Variants in SOX5 observed in about 807,000 individuals in gnomAD.
SOX5 encodes transcription factor SOX-5.
A neutral mutation model predicts 92.0 loss-of-function variants in SOX5; 9 were observed. That is an observed-to-expected ratio of 0.10 (90% CI 0.06 to 0.17). The LOEUF is 0.17. SOX5 is among the 10% of genes least tolerant of loss of function. The pLI, the probability that SOX5 is intolerant of heterozygous loss-of-function variation, is 1.00. For missense variants in SOX5, 642 were observed against 944.5 expected (o/e 0.68, Z 4.20); for synonymous variants, 344 against 336.3 (o/e 1.02, Z -0.25).
At chr12:24,468,517 T>C (rs1431387029) in intron 1 of SOX5, among the ~76,000 whole-genome samples, 7 of 152,184 alleles carry the variant, frequency 4.6e-5, no homozygotes, top group African/African-American at 1.7e-4. Flanking sequence ...ACTGGAAATG[T>C]ATAAGATTGA....
intron 3 of SOX5, among the ~76,000 whole-genome samples, chr12:23,830,951 C>T (rs1437804097): frequency 6.6e-6 from 1 of 151,978 alleles, no homozygotes; most frequent in Non-Finnish European, 1.5e-5. Context: ...TTCACAAGGC[C>T]AAATATCATG....
At chr12:23,629,331 A>G (rs2078234953) in intron 8 of SOX5, among the ~76,000 whole-genome samples, 1 of 152,072 alleles carries the variant, frequency 6.6e-6, no homozygotes, top group African/African-American at 2.4e-5. Context: ...AAAATAACAT[A>G]TACAAATATA....
chr12:24,558,364 C>G (rs1359927094), intron 1 of SOX5, among the ~76,000 whole-genome samples: 1 of 152,036 alleles, frequency 6.6e-6, no homozygotes, highest in African/African-American at 2.4e-5. Flanking sequence ...GAGGAAACAA[C>G]CCCCCGCGAA....
At chr12:23,939,965 A>C (rs371120304) in intron 1 of SOX5, among the ~76,000 whole-genome samples, 7 of 150,972 alleles carry the variant, frequency 4.6e-5, no homozygotes, top group East Asian at 1.9e-4. Flanking sequence ...TTTCCAGCCC[A>C]ATGTTTTAAT....
At chr12:23,823,245 G>A (rs1487385642) in intron 3 of SOX5, among the ~76,000 whole-genome samples, 2 of 152,120 alleles carry the variant, frequency 1.3e-5, no homozygotes, top group Non-Finnish European at 2.9e-5. Flanking sequence ...TTTTTGCAGT[G>A]GCTGGTACCC....
chr12:24,394,227 G>A (rs188128232), intron 1 of SOX5, among the ~76,000 whole-genome samples: 23 of 152,226 alleles, frequency 1.5e-4, no homozygotes, highest in East Asian at 7.7e-4. Flanking sequence ...ATGAGAAGGC[G>A]ATCTCATCCT....
upstream of SOX5, chr12:23,949,766 G>GTCTCTCTCTCTCTCTCTCTC: frequency 2.1e-6 from 1 of 472,192 alleles, no homozygotes; most frequent in Non-Finnish European, 3.4e-6. Flanking sequence ...CTCTCTCTCT[G>GTCTCTCTCTCTCTCTCTCTC]TCTCTCTCTC....
chr12:24,542,000 C>T (rs558231672), intron 1 of SOX5, among the ~76,000 whole-genome samples: 3 of 152,264 alleles, frequency 2.0e-5, no homozygotes, highest in African/African-American at 7.2e-5. Context: ...CCTGATGTCC[C>T]TTCATTCTTT....
At chr12:24,235,507 C>T (rs1369215665) in intron 3 of SOX5, among the ~76,000 whole-genome samples, 1 of 152,116 alleles carries the variant, frequency 6.6e-6, no homozygotes, top group Non-Finnish European at 1.5e-5. Flanking sequence ...TTAATTTGTA[C>T]TCTACTAATA....
chr12:24,244,126 G>A (rs1266424243), intron 3 of SOX5, among the ~76,000 whole-genome samples: 1 of 151,768 alleles, frequency 6.6e-6, no homozygotes, highest in Admixed American at 6.6e-5. Flanking sequence ...AGAAAGAAAA[G>A]GCTGGGGAAG....
At chr12:24,317,098 TAAAG>T (rs1565891896) in intron 2 of SOX5, among the ~76,000 whole-genome samples, 1 of 152,220 alleles carries the variant, frequency 6.6e-6, no homozygotes, top group East Asian at 1.9e-4. Flanking sequence ...GATAATGAGA[TAAAG>T]AAAGAGCTGA....
intron 6 of SOX5, among the ~76,000 whole-genome samples, chr12:23,678,534 A>G (rs912527282): frequency 2.6e-5 from 4 of 152,160 alleles, no homozygotes; most frequent in Non-Finnish European, 5.9e-5. Context: ...ACATAGACGG[A>G]CAACATGAAT....
chr12:23,786,013 A>G (rs1399341950), intron 3 of SOX5, among the ~76,000 whole-genome samples: 1 of 152,070 alleles, frequency 6.6e-6, no homozygotes, highest in Non-Finnish European at 1.5e-5. Context: ...GTGGGAAAAC[A>G]AGTTACCTAA....
chr12:23,739,687 T>G (rs1433097932), intron 5 of SOX5, among the ~76,000 whole-genome samples: 1 of 152,192 alleles, frequency 6.6e-6, no homozygotes, highest in African/African-American at 2.4e-5. Context: ...CCACTGTAAA[T>G]TAAGGCCTAT....
intron 1 of SOX5, among the ~76,000 whole-genome samples, chr12:24,468,996 A>C (rs1291382554): frequency 3.3e-5 from 5 of 152,184 alleles, no homozygotes; most frequent in Admixed American, 3.3e-4. Flanking sequence ...ATTATGGCGC[A>C]CTTTATTTCC....
rs71059922 is a variant in SOX5, at chr12:23,770,048, G to GTTTT, written c.482-14328_482-14325dup. Among the ~76,000 whole-genome samples, 184 of 106,478 alleles carry GTTTT rather than the reference G, an allele frequency of 1.7e-3. 8 individuals are homozygous for GTTTT. In the South Asian group the frequency reaches 0.042, roughly 24 times the overall value. The allele number at this position is 106,478 out of a possible 152,430, so 69.9% of individuals were successfully genotyped here. ...ATATTTCAAGTTAAATGCTCCCTCT[G>GTTTT]TTTTTTTTTTTTTTTTTTGCCTCAC... On this transcript the variant is annotated intron_variant, in intron 3 of 14. Coordinates refer to ENST00000451604, the MANE Select transcript of SOX5 (RefSeq NM_006940.6).
chr12:23,940,745 T>TACACACACACACAC (rs36124621), intron 1 of SOX5, among the ~76,000 whole-genome samples: 82 of 139,758 alleles, frequency 5.9e-4, no homozygotes, highest in African/African-American at 1.7e-3. Flanking sequence ...AGATAAGTAT[T>TACACACACACACAC]ACACACACAC....
At chr12:23,851,137 T>G (rs2096629277) in intron 2 of SOX5, among the ~76,000 whole-genome samples, 1 of 152,150 alleles carries the variant, frequency 6.6e-6, no homozygotes, top group Non-Finnish European at 1.5e-5. Context: ...GATAAAAGTT[T>G]ATTTAAGGTA....
At chr12:24,504,244 G>C (rs1339675268) in intron 1 of SOX5, among the ~76,000 whole-genome samples, 2 of 152,026 alleles carry the variant, frequency 1.3e-5, no homozygotes, top group Non-Finnish European at 2.9e-5. Flanking sequence ...CAGACTATAG[G>C]CTACGTCAAC....
Sources: gnomAD v4.1 joint callset for allele counts (sites outside exome capture counted in the v4.1 genomes callset) on GRCh38, gnomAD v4.1.1 for gene constraint, MANE v1.5 for transcripts, NCBI Gene and HGNC (gene_info 2026-07-23, HGNC 2026-07-21) for gene names.